Variants in GAN observed in about 807,000 individuals in gnomAD.
GAN encodes the protein gigaxonin.
A neutral mutation model predicts 71.3 loss-of-function variants in GAN; 48 were observed. The ratio of observed to expected loss-of-function variants is 0.67; its 90% CI spans 0.53 to 0.86. The LOEUF is 0.86. GAN is among the 40% of genes least tolerant of loss of function. The pLI is 0.00. For synonymous variants in GAN, 386 were observed against 276.8 expected (o/e 1.39, Z -3.92); for missense variants, 928 against 770.1 (o/e 1.21, Z -2.43).
intron 2 of GAN, among the ~76,000 whole-genome samples, 199 bp downstream of exon 2, chr16:81,351,896 A>T (rs986270277): frequency 6.6e-6 from 1 of 152,170 alleles, no homozygotes; most frequent in Non-Finnish European, 1.5e-5. Context: ...GAAGCAGAGG[A>T]AGTAAGATCT....
At chr16:81,334,182 C>A (rs1909677219) in intron 1 of GAN, among the ~76,000 whole-genome samples, 1 of 152,168 alleles carries the variant, frequency 6.6e-6, no homozygotes, top group Non-Finnish European at 1.5e-5. Flanking sequence ...CATTATATTT[C>A]CTCTTCAAAG....
chr16:81,339,609 C>G (rs1909875836), intron 1 of GAN, among the ~76,000 whole-genome samples: 1 of 152,178 alleles, frequency 6.6e-6, no homozygotes, highest in South Asian at 2.1e-4. Flanking sequence ...ATAATGTAGG[C>G]CAGAACTTGA....
At chr16:81,360,059 ATG>A (rs375684244) in intron 5 of GAN, among the ~76,000 whole-genome samples, 7,142 of 90,858 alleles carry the variant, frequency 0.079, 230 homozygotes, top group South Asian at 0.087. Flanking sequence ...GGATGGATGG[ATG>A]GATGGATAGA....
chr16:81,362,442 C>A, intron 5 of GAN, 57 bp from the exon 6 acceptor site: 1 of 844,984 alleles, frequency 1.2e-6, no homozygotes, highest in Admixed American at 1.7e-5. Flanking sequence ...TATGCTGTGG[C>A]GTTTATGGGT....
rs1391423024 is a variant in GAN at position 81,380,127 on chromosome 16, CTT to C, written c.*2534_*2535del. 1 of 152,536 alleles carries C rather than the reference CTT, an allele frequency of 6.6e-6. No individual in the cohort carries two copies. The highest frequency in any genetic ancestry group is 2.4e-5 in the African/African-American group (1 of 41,426). The allele number at this position is 152,536 out of a possible 1,614,324, so 9.4% of individuals were successfully genotyped here. On this transcript the variant is annotated 3_prime_UTR_variant, in exon 11 of 11. Transcript: ENST00000648994. Reference sequence around the variant, plus strand: ...CTATGCTCCAACATTAATCATGACTCTTTTGTAAATTACAGTTATTTCAGTAT... The same window carrying C: ...CTATGCTCCAACATTAATCATGACTCTTGTAAATTACAGTTATTTCAGTAT...
intron 3 of GAN, 50 bp from the exon 4 acceptor site, chr16:81,356,735 G>A (rs1217320849): frequency 6.7e-6 from 8 of 1,186,410 alleles, no homozygotes; most frequent in Non-Finnish European, 1.0e-5. Flanking sequence ...TAAAAATGAT[G>A]TGTTGCATTT....
Position 81,365,021 on chromosome 16 carries a change from A to T in GAN, c.1284A>T (p.Gly428=), listed in dbSNP as rs1028908575. The T allele has an allele frequency of 1.2e-6, 2 of 1,613,242 alleles. No homozygotes were observed. The highest frequency in any genetic ancestry group is 1.7e-6 in the Non-Finnish European group (2 of 1,179,340). The change falls in exon 8 of 11, where the codon GGA becomes GGT. Residue 428 remains glycine, a synonymous_variant. Transcript: ENST00000648994. ...AAAAGAAAATCTACGCCATGGGTGG[A>T]GGCTCCTACGGAAAGCTTTTTGAGT... ...AMKKKIYAMG[G]GSYGKLFESV... is the part of the protein sequence containing the mutation.
chr16:81,367,384 C>T (rs1412633275), intron 9 of GAN, among the ~76,000 whole-genome samples: 1 of 151,968 alleles, frequency 6.6e-6, no homozygotes, highest in African/African-American at 2.4e-5. Context: ...AAAAAATTAG[C>T]CAGGCATAGT....
At chr16:81,349,219 T>C (rs929545538) in intron 1 of GAN, among the ~76,000 whole-genome samples, 5 of 149,034 alleles carry the variant, frequency 3.4e-5, no homozygotes, top group Admixed American at 3.3e-4. Context: ...TCACCTACCC[T>C]GTACTACCAG....
chr16:81,365,263 C>A, intron 8 of GAN, 87 bp from the exon 9 acceptor site: 1 of 1,575,754 alleles, frequency 6.3e-7, no homozygotes, highest in Non-Finnish European at 8.7e-7. Context: ...AGTAATGCTG[C>A]AGAGTTAAAC....
In GAN at chr16:81,354,599, T is replaced by A; in HGVS notation, c.477T>A (p.Thr159=). Residue 159 remains threonine, a synonymous_variant, in exon 3 of 11, where the codon ACT becomes ACA. Coordinates refer to ENST00000648994, the MANE Select transcript of GAN (RefSeq NM_022041.4). ...VHYLATEYLE[T]HFRDVSSTEE... ...ACCTTGCCACAGAATACCTGGAGAC[T>A]CATTTCCGAGACGTCAGCAGCACGG... is the stretch of plus-strand genomic sequence containing the variant. 6.2e-7 allele frequency: 1 copy of A among 1,614,124 alleles called. No individual in the cohort carries two copies. Among genetic ancestry groups the A allele is most frequent in the Non-Finnish European group, 8.5e-7 (1 of 1,179,988 alleles).
chr16:81,331,927 T>C (rs1909591207), intron 1 of GAN, among the ~76,000 whole-genome samples: 1 of 151,092 alleles, frequency 6.6e-6, no homozygotes, highest in Non-Finnish European at 1.5e-5. Context: ...CTTTGGGAGG[T>C]CAAGGCGGGC....
chr16:81,348,421 G>C (rs1189448786), intron 1 of GAN, among the ~76,000 whole-genome samples: 1 of 151,570 alleles, frequency 6.6e-6, no homozygotes, highest in Non-Finnish European at 1.5e-5. Flanking sequence ...TATCAGTTTT[G>C]TTCCTGTCTT....
At chr16:81,366,065 A>T (rs185518397) in intron 9 of GAN, among the ~76,000 whole-genome samples, 2 of 152,180 alleles carry the variant, frequency 1.3e-5, no homozygotes, top group South Asian at 4.1e-4. Context: ...CCCGCTGTCC[A>T]TCCAGTTAGC....
At chr16:81,339,711 G>A (rs558508196) in intron 1 of GAN, among the ~76,000 whole-genome samples, 30 of 152,320 alleles carry the variant, frequency 2.0e-4, no homozygotes, top group African/African-American at 6.3e-4. Context: ...AGGTAAGGGC[G>A]GAGGTGCAGC....
chr16:81,328,572 G>A (rs574584238), intron 1 of GAN, among the ~76,000 whole-genome samples: 2 of 151,370 alleles, frequency 1.3e-5, no homozygotes, highest in African/African-American at 2.4e-5. Flanking sequence ...AAACAGATTT[G>A]TTATTTGTTG....
chr16:81,365,374 T>A lies in GAN; in HGVS notation c.1398T>A (p.Val466=), dbSNP rs756485979. ...ERRFGAVACG[V]AMELYVFGGV... is the part of the protein sequence containing the mutation. Reference sequence around the variant, plus strand: ...GGTTTGGAGCGGTGGCCTGTGGAGTTGCTATGGAGCTGTATGTGTTTGGGG... The same window carrying A: ...GGTTTGGAGCGGTGGCCTGTGGAGTAGCTATGGAGCTGTATGTGTTTGGGG... Residue 466 remains valine (V), a synonymous_variant, in exon 9 of 11, where the codon GTT becomes GTA. Coordinates refer to ENST00000648994, the MANE Select transcript of GAN (RefSeq NM_022041.4). The A allele has an allele frequency of 6.2e-7, 1 of 1,613,648 alleles. No homozygotes were observed. The highest frequency in any genetic ancestry group is 1.3e-5 in the African/African-American group (1 of 74,754).
At position 81,380,304 on chromosome 16, in the gene GAN, G is replaced by C. The variant is rs1904298743; in HGVS notation, c.*2708G>C. The stretch of plus-strand genomic sequence containing the variant: ...GTGTTGGAATTGGTGGCTCAGGATA[G>C]GTCTTAAATTTTAAATACAAATATC... On this transcript the variant is annotated 3_prime_UTR_variant, in exon 11 of 11. Transcript: ENST00000648994. 1 of 152,522 alleles carries C rather than the reference G, an allele frequency of 6.6e-6. No individual in the cohort carries two copies. Among genetic ancestry groups the C allele is most frequent in the Non-Finnish European group, 1.5e-5 (1 of 68,018 alleles). 9.4% of individuals were successfully genotyped at this position (152,522 alleles called of 1,614,324 possible). A position where few individuals can be genotyped will look rare whatever the true frequency, so the allele number is the denominator to read the frequency against.
rs761202265 is a variant in GAN, at chr16:81,377,256, G to A, written c.1540G>A (p.Ala514Thr). The change falls in exon 10 of 11, where the codon GCC (alanine) becomes ACC (threonine). Residue 514 changes from alanine (A) to threonine (T), a missense_variant. Ala to Thr is a moderately conservative substitution (Grantham distance 58). Transcript: ENST00000648994. ...TAACGACCAGAATTTATGCATCCCCGCCAGTTCCTCTTTTGTTTATGGAGC... is the reference window on the plus strand; with the variant it reads ...TAACGACCAGAATTTATGCATCCCCACCAGTTCCTCTTTTGTTTATGGAGC... ...YLNDQNLCIP[A>T]SSSFVYGAVP... is the part of the protein sequence containing the mutation. 17 of 1,611,184 alleles carry A rather than the reference G, an allele frequency of 1.1e-5. No homozygotes were observed. The highest frequency in any genetic ancestry group is 2.2e-5 in the East Asian group (1 of 44,870).
Sources: allele counts gnomAD v4.1 joint callset (sites outside exome capture counted in the v4.1 genomes callset), GRCh38; gene constraint gnomAD v4.1.1; transcripts MANE v1.5; gene names NCBI Gene and HGNC (gene_info 2026-07-23, HGNC 2026-07-21).